Variants in PCLO observed in about 807,000 individuals in gnomAD.
PCLO encodes piccolo presynaptic cytomatrix protein.
In PCLO, 82 loss-of-function variants were observed where a neutral mutation model predicts 427.5. That is an observed-to-expected ratio of 0.19 (90% CI 0.16 to 0.23). PCLO has a LOEUF of 0.23. PCLO is among the 10% of genes least tolerant of loss of function. PCLO has a pLI of 1.00. For synonymous variants in PCLO, 2,357 were observed against 2,155.4 expected (o/e 1.09, Z -2.59); for missense variants, 6,239 against 6,115.9 (o/e 1.02, Z -0.67).
At chr7:83,038,025 A>ATATATATATCTTTATATT (rs1562932933) in intron 3 of PCLO, among the ~76,000 whole-genome samples, 3 of 49,098 alleles carry the variant, frequency 6.1e-5, no homozygotes, top group Non-Finnish European at 9.5e-5. Flanking sequence ...ATATATATAT[A>ATATATATATCTTTATATT]TATATTTATA....
intron 6 of PCLO, among the ~76,000 whole-genome samples, chr7:82,944,653 A>G (rs1795159734): frequency 6.6e-6 from 1 of 152,196 alleles, no homozygotes; most frequent in Non-Finnish European, 1.5e-5. Context: ...TACATACTCC[A>G]AAGAATATGA....
chr7:82,896,193 A>T (rs79615121), intron 9 of PCLO, among the ~76,000 whole-genome samples: 5,085 of 151,908 alleles, frequency 0.033, 299 homozygotes, highest in African/African-American at 0.11. Flanking sequence ...ACCAATAAAA[A>T]TTACATATTA....
chr7:82,978,857 AACACAC>A (rs66871387), intron 3 of PCLO, among the ~76,000 whole-genome samples: 10,794 of 138,498 alleles, frequency 0.078, 474 homozygotes, highest in East Asian at 0.2. Flanking sequence ...CACACACACA[AACACAC>A]ACACACACAC....
At chr7:82,872,120 G>C (rs1793252548) in intron 10 of PCLO, among the ~76,000 whole-genome samples, 3 of 151,820 alleles carry the variant, frequency 2.0e-5, no homozygotes, top group African/African-American at 7.3e-5. Flanking sequence ...TGACAAATTT[G>C]ACTATTAAAA....
intron 3 of PCLO, among the ~76,000 whole-genome samples, chr7:83,115,975 C>T (rs532938258): frequency 6.6e-6 from 1 of 152,048 alleles, no homozygotes; most frequent in South Asian, 2.1e-4. Flanking sequence ...CACATGCACA[C>T]ACACACACAC....
At chr7:82,818,493 T>C (rs1325933775) in intron 20 of PCLO, among the ~76,000 whole-genome samples, 2 of 152,158 alleles carry the variant, frequency 1.3e-5, no homozygotes, top group South Asian at 2.1e-4. Flanking sequence ...AGGAGGACCA[T>C]GTAGGCAGAG....
intron 6 of PCLO, among the ~76,000 whole-genome samples, chr7:82,927,277 G>A (rs1471865440): frequency 6.6e-6 from 1 of 152,136 alleles, no homozygotes; most frequent in Non-Finnish European, 1.5e-5. Flanking sequence ...TAGGTTTAAA[G>A]TACTTTTCAC....
At chr7:82,895,277 T>C (rs1793874186) in intron 9 of PCLO, among the ~76,000 whole-genome samples, 1 of 151,276 alleles carries the variant, frequency 6.6e-6, no homozygotes, top group Admixed American at 6.6e-5. Context: ...AGAAATCTTT[T>C]GAAGTGAATA....
At chr7:82,817,912 A>G (rs1791710823) in intron 20 of PCLO, among the ~76,000 whole-genome samples, 2 of 152,200 alleles carry the variant, frequency 1.3e-5, no homozygotes, top group African/African-American at 2.4e-5. Flanking sequence ...TCAAACAAAA[A>G]TAGCTCAGGT....
At chr7:82,936,515 A>G (rs1392771276) in intron 6 of PCLO, among the ~76,000 whole-genome samples, 1 of 113,726 alleles carries the variant, frequency 8.8e-6, no homozygotes, top group Non-Finnish European at 1.8e-5. Flanking sequence ...TTTATTTTAA[A>G]AAGGAAAATA....
At chr7:82,987,595 A>G (rs1796284088) in intron 3 of PCLO, among the ~76,000 whole-genome samples, 1 of 152,080 alleles carries the variant, frequency 6.6e-6, no homozygotes, top group Non-Finnish European at 1.5e-5. Flanking sequence ...AATTTTAAAT[A>G]GTACTAAGTT....
intron 3 of PCLO, among the ~76,000 whole-genome samples, chr7:83,036,585 A>G (rs1788802285): frequency 6.6e-6 from 1 of 152,010 alleles, no homozygotes. Context: ...ATAGATGCAA[A>G]TATCCTGAAA....
At chr7:82,927,475 T>C (rs1794738134) in intron 6 of PCLO, among the ~76,000 whole-genome samples, 1 of 152,186 alleles carries the variant, frequency 6.6e-6, no homozygotes, top group Admixed American at 6.6e-5. Context: ...TGACAATAGC[T>C]TTCTAGAGAG....
In PCLO at chr7:82,949,940, T is replaced by G; in HGVS notation, c.10648A>C (p.Ile3550Leu). 2 of 1,613,684 alleles carry G rather than the reference T, an allele frequency of 1.2e-6. No individual in the cohort carries two copies. Among genetic ancestry groups the G allele is most frequent in the Non-Finnish European group, 8.5e-7 (1 of 1,179,834 alleles). Residue 3550 changes from isoleucine to leucine, a missense_variant, in exon 6 of 25, where the codon ATT (isoleucine) becomes CTT (leucine). By Grantham distance (5) the Ile-to-Leu change is conservative. This residue lies in a region of PCLO where 4,677 missense variants were observed against 4,468.4 expected (regional missense o/e 1.05). Transcript: ENST00000333891. ...TTTTCAGGTGCTGAAATGTGTTTAA[T>G]TATTTCTACCTTGGCATCCACTCGT... The part of the protein sequence containing the change: ...RARVDAKVEI[I>L]KHISAPEKTY...
At chr7:82,817,758 G>C (rs1431864661) in intron 20 of PCLO, among the ~76,000 whole-genome samples, 1 of 152,092 alleles carries the variant, frequency 6.6e-6, no homozygotes, top group African/African-American at 2.4e-5. Flanking sequence ...TTCCTTGCAT[G>C]ACCTATTTAA....
chr7:82,923,817 C>T (rs1794651348), intron 6 of PCLO, among the ~76,000 whole-genome samples: 1 of 152,036 alleles, frequency 6.6e-6, no homozygotes, highest in Non-Finnish European at 1.5e-5. Flanking sequence ...TATTTATGGT[C>T]CAGCATCAAT....
At chr7:82,980,910 A>G (rs909365922) in intron 3 of PCLO, among the ~76,000 whole-genome samples, 1 of 152,178 alleles carries the variant, frequency 6.6e-6, no homozygotes, top group Non-Finnish European at 1.5e-5. Flanking sequence ...CAACAATCCC[A>G]GGAGTTTCTA....
chr7:82,778,295 G>C (rs980245975), intron 22 of PCLO, among the ~76,000 whole-genome samples: 1 of 152,144 alleles, frequency 6.6e-6, no homozygotes, highest in Non-Finnish European at 1.5e-5. Context: ...GGAGAAAAGA[G>C]AACACTTGTA....
intron 3 of PCLO, among the ~76,000 whole-genome samples, chr7:83,022,464 T>C (rs1217309559): frequency 6.6e-6 from 1 of 152,114 alleles, no homozygotes; most frequent in African/African-American, 2.4e-5. Context: ...GATCAAAAAA[T>C]ACCAGGACCC....
Sources: gnomAD v4.1 joint callset for allele counts (sites outside exome capture counted in the v4.1 genomes callset) on GRCh38, gnomAD v4.1.1 for gene constraint, gnomAD v4.1.1 regional missense constraint, MANE v1.5 for transcripts, NCBI Gene and HGNC (gene_info 2026-07-23, HGNC 2026-07-21) for gene names.